The following PEBP4 variants were observed in gnomAD, a reference collection of about 807,000 sequenced individuals.
PEBP4 encodes phosphatidylethanolamine binding protein 4, also known as phosphatidylethanolamine-binding protein 4.
Under a neutral mutation model 23.9 loss-of-function variants are expected in PEBP4, and 22 were observed. That is an observed-to-expected ratio of 0.92 (90% CI 0.66 to 1.31). The LOEUF is 1.31. Among genes scored for constraint, PEBP4 ranks in the 40% most tolerant of loss-of-function variants. The pLI, the probability that PEBP4 is intolerant of heterozygous loss-of-function variation, is 0.00. For missense variants in PEBP4, 324 were observed against 281.7 expected (o/e 1.15, Z -1.07); for synonymous variants, 112 against 99.3 (o/e 1.13, Z -0.76).
At chr8:22,767,449 C>T (rs111814701) in intron 4 of PEBP4, among the ~76,000 whole-genome samples, 22 of 152,310 alleles carry the variant, frequency 1.4e-4, no homozygotes, top group African/African-American at 3.8e-4. Context: ...GTCATTCCTC[C>T]GTGATTTCTC....
At chr8:22,808,203 T>C (rs1316488496) in intron 4 of PEBP4, among the ~76,000 whole-genome samples, 1 of 151,472 alleles carries the variant, frequency 6.6e-6, no homozygotes, top group Non-Finnish European at 1.5e-5. Context: ...CTTCCATCCA[T>C]CCACCCACCC....
intron 3 of PEBP4, among the ~76,000 whole-genome samples, chr8:22,909,970 C>G (rs1159042278): frequency 1.3e-5 from 2 of 152,218 alleles, no homozygotes; most frequent in African/African-American, 4.8e-5. Context: ...GATCCAGGCT[C>G]TAGTCTCACC....
At chr8:22,849,249 A>G (rs1485367456) in intron 3 of PEBP4, among the ~76,000 whole-genome samples, 2 of 152,224 alleles carry the variant, frequency 1.3e-5, no homozygotes, top group African/African-American at 4.8e-5. Flanking sequence ...ACAAATGGAG[A>G]AGCTGAGGCA....
At chr8:22,788,735 T>C (rs929135053) in intron 4 of PEBP4, among the ~76,000 whole-genome samples, 1 of 152,254 alleles carries the variant, frequency 6.6e-6, no homozygotes, top group Non-Finnish European at 1.5e-5. Context: ...GGATGGCATT[T>C]TAGTTAACAT....
chr8:22,772,491 C>CTT (rs1171525883), intron 4 of PEBP4, among the ~76,000 whole-genome samples: 2 of 93,484 alleles, frequency 2.1e-5, no homozygotes, highest in African/African-American at 7.4e-5. Context: ...CTCTCTCTCT[C>CTT]TCTTTTTTTT....
In PEBP4 at chr8:22,725,000, CT is replaced by C. The variant is rs748582114; in HGVS notation, c.404-45del. The C allele has an allele frequency of 1.8e-5, 28 of 1,519,690 alleles. 1 individual carries two copies. In the South Asian group the frequency reaches 3.0e-4, roughly 16 times the overall value. 94.1% of individuals were successfully genotyped at this position (1,519,690 alleles called of 1,614,324 possible). Reference sequence around the variant, plus strand: ...GAGAGGTGAGCATCAACATCCCATACTACCGAGGGCAGAGCTCTCTGCCTTC... The same window carrying C: ...GAGAGGTGAGCATCAACATCCCATACACCGAGGGCAGAGCTCTCTGCCTTC... On this transcript the variant is annotated intron_variant, in intron 5 of 6. Coordinates refer to ENST00000256404, the MANE Select transcript of PEBP4 (RefSeq NM_144962.3).
intron 4 of PEBP4, among the ~76,000 whole-genome samples, chr8:22,793,854 T>G (rs1423596653): frequency 6.6e-6 from 1 of 152,230 alleles, no homozygotes; most frequent in African/African-American, 2.4e-5. Context: ...TAAAGGCATT[T>G]GACATTCAAT....
At position 22,865,698 on chromosome 8, in the gene PEBP4, C is replaced by T. The variant is rs1056062495; in HGVS notation, c.259-47963G>A. Among the ~76,000 whole-genome samples the T allele has an allele frequency of 2.0e-5, 3 of 152,172 alleles. No homozygotes were observed. Among genetic ancestry groups the T allele is most frequent in the Non-Finnish European group, 4.4e-5 (3 of 68,004 alleles). On this transcript the variant is annotated intron_variant, in intron 3 of 6. Coordinates refer to ENST00000256404, the MANE Select transcript of PEBP4 (RefSeq NM_144962.3). The surrounding 1 kb of genome is among the most constrained non-coding windows in gnomAD (Gnocchi z 6.9). ...CTCCGTTCCAGCCACCTCCCGCCGC[C>T]CGGATCCCAGAGGAAAGGGGAGAGG...
intron 1 of PEBP4, among the ~76,000 whole-genome samples, chr8:22,933,077 G>A (rs1027296911): frequency 6.6e-6 from 1 of 151,700 alleles, no homozygotes; most frequent in Non-Finnish European, 1.5e-5. Context: ...AGCAGTATTG[G>A]TCTGGAGGAG....
rs577866493 is a variant in PEBP4 at position 22,840,158 on chromosome 8, G to A, written c.259-22423C>T. Among the ~76,000 whole-genome samples, 107 of 152,104 alleles carry A rather than the reference G, an allele frequency of 7.0e-4. 1 individual carries two copies. The highest frequency in any genetic ancestry group is 3.2e-3 in the Admixed American group (49 of 15,268). On this transcript the variant is annotated intron_variant, in intron 3 of 6. Coordinates refer to ENST00000256404, the MANE Select transcript of PEBP4 (RefSeq NM_144962.3). ...AGAATCAGATGAATTATATCTAACC[G>A]TGATCACAGTGTAAAACACGGTTCA...
intron 3 of PEBP4, among the ~76,000 whole-genome samples, chr8:22,825,442 C>T (rs1484720866): frequency 6.6e-6 from 1 of 152,182 alleles, no homozygotes; most frequent in Non-Finnish European, 1.5e-5. Context: ...TTTATACTTG[C>T]CACATGTTTT....
At chr8:22,924,860 C>T (rs1401379513) in intron 2 of PEBP4, 4 of 985,214 alleles carry the variant, frequency 4.1e-6, no homozygotes, top group Non-Finnish European at 3.6e-6. Flanking sequence ...AGGTCTGATT[C>T]CCGAGAAGCG....
intron 4 of PEBP4, among the ~76,000 whole-genome samples, chr8:22,737,289 C>T (rs1224398009): frequency 4.6e-5 from 6 of 131,012 alleles, no homozygotes; most frequent in South Asian, 2.4e-4. Context: ...GTTGAGACTC[C>T]GTCTCAAAAA....
chr8:22,828,902 C>T (rs996053552), intron 3 of PEBP4, among the ~76,000 whole-genome samples: 1 of 152,142 alleles, frequency 6.6e-6, no homozygotes, highest in South Asian at 2.1e-4. Flanking sequence ...CACCCTGAAG[C>T]TGCTTGTCAT....
chr8:22,875,644 C>T (rs142056585), intron 3 of PEBP4, among the ~76,000 whole-genome samples: 94 of 152,260 alleles, frequency 6.2e-4, no homozygotes, highest in African/African-American at 2.1e-3. Flanking sequence ...CTGTCGTCTG[C>T]GAAGGCTGAA....
Position 22,865,494 on chromosome 8 carries a change from G to A in PEBP4, c.259-47759C>T, listed in dbSNP as rs1033322865. Among the ~76,000 whole-genome samples, 3 of 152,000 alleles carry A rather than the reference G, an allele frequency of 2.0e-5. No homozygotes were observed. Among genetic ancestry groups the A allele is most frequent in the Non-Finnish European group, 4.4e-5 (3 of 67,970 alleles). On this transcript the variant is annotated intron_variant, in intron 3 of 6. Coordinates refer to ENST00000256404, the MANE Select transcript of PEBP4 (RefSeq NM_144962.3). The surrounding 1 kb of genome is among the most constrained non-coding windows in gnomAD (Gnocchi z 6.9). ...GGAGCGCGCCACCGCCCCCCCGGCCGCGCAGCGAGAAGGAGCCTCGGGGAA... is the reference window on the plus strand; with the variant it reads ...GGAGCGCGCCACCGCCCCCCCGGCCACGCAGCGAGAAGGAGCCTCGGGGAA...
At chr8:22,716,817 A>T (rs941864234) in intron 6 of PEBP4, among the ~76,000 whole-genome samples, 3 of 152,196 alleles carry the variant, frequency 2.0e-5, no homozygotes, top group Admixed American at 6.5e-5. Context: ...CTCTTAGATG[A>T]GGTCAGACCC....
intron 4 of PEBP4, among the ~76,000 whole-genome samples, chr8:22,799,647 G>A (rs912717530): frequency 2.0e-5 from 3 of 152,194 alleles, no homozygotes; most frequent in African/African-American, 7.2e-5. Flanking sequence ...TTGGTGTGCT[G>A]CACCCATTAA....
At chr8:22,829,864 C>T (rs1353209277) in intron 3 of PEBP4, among the ~76,000 whole-genome samples, 4 of 152,170 alleles carry the variant, frequency 2.6e-5, no homozygotes, top group Non-Finnish European at 4.4e-5. Flanking sequence ...TTCCTTACTT[C>T]CCACTAACTC....
Sources: gnomAD v4.1 joint callset for allele counts (sites outside exome capture counted in the v4.1 genomes callset) on GRCh38, gnomAD v4.1.1 for gene constraint, Gnocchi (gnomAD v3.1) non-coding constraint, MANE v1.5 for transcripts, NCBI Gene and HGNC (gene_info 2026-07-23, HGNC 2026-07-21) for gene names.